Variants in FAF1 observed in about 807,000 individuals in gnomAD.
FAF1 encodes FAS-associated factor 1.
Under a neutral mutation model 92.5 loss-of-function variants are expected in FAF1, and 25 were observed. The observed-to-expected ratio is 0.27, with a 90% CI of 0.20 to 0.38. The LOEUF is 0.38. Among genes scored for constraint, FAF1 ranks in the 10% least tolerant of loss-of-function variants. FAF1 has a pLI of 1.00. For missense variants in FAF1, 636 were observed against 793.3 expected (o/e 0.80, Z 2.38); for synonymous variants, 234 against 273.2 (o/e 0.86, Z 1.42).
chr1:50,811,693 T>C (rs1476866989), intron 2 of FAF1, among the ~76,000 whole-genome samples: 3 of 152,200 alleles, frequency 2.0e-5, no homozygotes, highest in African/African-American at 7.2e-5. Context: ...ATTCTTCACA[T>C]AATTAGAAAA....
chr1:50,785,164 A>G (rs917221468), intron 4 of FAF1, among the ~76,000 whole-genome samples: 1 of 150,958 alleles, frequency 6.6e-6, no homozygotes, highest in Admixed American at 6.6e-5. Context: ...AAGACTTGAA[A>G]CTATAAAACT....
chr1:50,732,686 T>C (rs1018797315), intron 6 of FAF1, among the ~76,000 whole-genome samples: 9 of 152,228 alleles, frequency 5.9e-5, no homozygotes, highest in African/African-American at 2.2e-4. Context: ...TATTTGAGAG[T>C]TTCTGTCTTT....
chr1:50,854,250 A>G (rs1277363154), intron 2 of FAF1, among the ~76,000 whole-genome samples: 4 of 152,074 alleles, frequency 2.6e-5, no homozygotes, highest in Non-Finnish European at 4.4e-5. Context: ...ATTAGAATTT[A>G]TAATGTTCAT....
In FAF1 at chr1:50,583,615, C is replaced by T. The variant is rs377702344; in HGVS notation, c.1031+37G>A. The T allele has an allele frequency of 2.2e-5, 28 of 1,284,066 alleles. No homozygotes were observed. The African/African-American group carries it at 3.3e-4, about 15-fold the overall frequency. The allele number at this position is 1,284,066 out of a possible 1,614,324, so 79.5% of individuals were successfully genotyped here. A position where few individuals can be genotyped will look rare whatever the true frequency, so the allele number is the denominator to read the frequency against. On this transcript the variant is annotated intron_variant, in intron 11 of 18. Transcript: ENST00000396153. The surrounding 1 kb of genome is among the most constrained non-coding windows in gnomAD (Gnocchi z 4.2). Reference sequence around the variant, plus strand: ...CAAGAAAAATCACAGTAGCATAAAACAGCATCAAATTTATATAGTTAATGT... The same window carrying T: ...CAAGAAAAATCACAGTAGCATAAAATAGCATCAAATTTATATAGTTAATGT...
intron 8 of FAF1, among the ~76,000 whole-genome samples, chr1:50,635,864 A>C (rs1449135613): frequency 6.6e-6 from 1 of 152,244 alleles, no homozygotes. Context: ...TACTAGGGGA[A>C]TAGACTAAAT....
chr1:50,449,930 C>T (rs1646274697), intron 18 of FAF1, among the ~76,000 whole-genome samples: 1 of 151,972 alleles, frequency 6.6e-6, no homozygotes, highest in South Asian at 2.1e-4. Flanking sequence ...TGTGGTGGCT[C>T]ATGCCTGTAA....
At chr1:50,655,412 T>C (rs1458254502) in intron 8 of FAF1, 30 bp downstream of exon 8, 4 of 1,425,210 alleles carry the variant, frequency 2.8e-6, no homozygotes, top group Non-Finnish European at 4.0e-6. Flanking sequence ...GAAAGGAGGA[T>C]ATAAAACTGA....
At chr1:50,814,895 T>C (rs1266275901) in intron 2 of FAF1, among the ~76,000 whole-genome samples, 5 of 152,226 alleles carry the variant, frequency 3.3e-5, no homozygotes, top group Admixed American at 3.3e-4. Context: ...TGGCAAGATG[T>C]GGAGAAATTA....
intron 13 of FAF1, among the ~76,000 whole-genome samples, chr1:50,541,980 T>G (rs1257953084): frequency 6.6e-6 from 1 of 152,178 alleles, no homozygotes; most frequent in Non-Finnish European, 1.5e-5. Context: ...ATGTTTGCGG[T>G]GCAGATCGCA....
intron 1 of FAF1, among the ~76,000 whole-genome samples, chr1:50,898,342 A>C (rs893396894): frequency 6.6e-5 from 10 of 152,162 alleles, no homozygotes; most frequent in African/African-American, 1.2e-4. Flanking sequence ...ACAACAACAA[A>C]AAACTCTAGG....
At chr1:50,857,871 A>C in intron 2 of FAF1, 58 bp downstream of exon 2, 1 of 1,065,344 alleles carries the variant, frequency 9.4e-7, no homozygotes, top group East Asian at 2.4e-5. Flanking sequence ...AAATAATTAA[A>C]GACATTCAAG....
At chr1:50,598,093 A>G (rs571935505) in intron 8 of FAF1, among the ~76,000 whole-genome samples, 4 of 152,134 alleles carry the variant, frequency 2.6e-5, no homozygotes, top group Admixed American at 6.6e-5. Context: ...CAGGAGTTCA[A>G]GACCAGCTTG....
rs78325708 is a variant in FAF1, at chr1:50,687,355, C to CAAA, written c.657+18428_657+18430dup. On this transcript the variant is annotated intron_variant, in intron 7 of 18. Coordinates refer to ENST00000396153, the MANE Select transcript of FAF1 (RefSeq NM_007051.3). The stretch of plus-strand genomic sequence containing the variant: ...ACCAATTCCAGAACGTTTTATCAAT[C>CAAA]AAAAAAAAAAAAAAAAAACCCAACC... Among the ~76,000 whole-genome samples, 127 of 83,788 alleles carry CAAA rather than the reference C, an allele frequency of 1.5e-3. 1 individual carries two copies. Among genetic ancestry groups the CAAA allele is most frequent in the South Asian group, 7.7e-3 (19 of 2,458 alleles). 55.0% of individuals were successfully genotyped at this position (83,788 alleles called of 152,430 possible).
chr1:50,763,987 TCAACAGAAGTAACATACTG>T (rs1177852578), intron 4 of FAF1, among the ~76,000 whole-genome samples: 1 of 152,108 alleles, frequency 6.6e-6, no homozygotes, highest in Non-Finnish European at 1.5e-5. Context: ...TTTATATACT[TCAACAGAAGTAACATACTG>T]CAACAGAATA....
chr1:50,721,381 A>G (rs1017273508), intron 6 of FAF1, among the ~76,000 whole-genome samples: 1 of 151,792 alleles, frequency 6.6e-6, no homozygotes, highest in Non-Finnish European at 1.5e-5. Context: ...CGCCCAGCTA[A>G]TTTTTGTATT....
At chr1:50,627,133 G>A (rs570981556) in intron 8 of FAF1, among the ~76,000 whole-genome samples, 1 of 152,288 alleles carries the variant, frequency 6.6e-6, no homozygotes, top group Non-Finnish European at 1.5e-5. Context: ...GCTAACATGA[G>A]AAGATGAGGC....
At chr1:50,469,096 C>CT (rs1011978839) in intron 18 of FAF1, among the ~76,000 whole-genome samples, 4 of 151,864 alleles carry the variant, frequency 2.6e-5, no homozygotes, top group Non-Finnish European at 5.9e-5. Context: ...TTGCTATTTA[C>CT]TTTTTTTTGA....
chr1:50,929,681 A>G (rs1283267860), intron 1 of FAF1, among the ~76,000 whole-genome samples: 1 of 152,224 alleles, frequency 6.6e-6, no homozygotes, highest in Non-Finnish European at 1.5e-5. Flanking sequence ...TTGAATGTCT[A>G]TCATGTGCCA....
At chr1:50,648,611 T>G (rs769858208) in intron 8 of FAF1, among the ~76,000 whole-genome samples, 30 of 152,078 alleles carry the variant, frequency 2.0e-4, no homozygotes, top group Non-Finnish European at 3.2e-4. Context: ...TGAATGTGAT[T>G]CATGTTGTAC....
Sources: gnomAD v4.1 joint callset for allele counts (sites outside exome capture counted in the v4.1 genomes callset) on GRCh38, gnomAD v4.1.1 for gene constraint, Gnocchi (gnomAD v3.1) non-coding constraint, MANE v1.5 for transcripts, NCBI Gene and HGNC (gene_info 2026-07-23, HGNC 2026-07-21) for gene names.